Variants in FER1L6 observed in about 807,000 individuals in gnomAD.
FER1L6 encodes fer-1 like family member 6.
A neutral mutation model predicts 219.2 loss-of-function variants in FER1L6; 177 were observed. The observed-to-expected ratio is 0.81, with a 90% confidence interval of 0.71 to 0.91. The LOEUF (loss-of-function observed/expected upper bound fraction) is 0.91, where lower values mean the gene tolerates loss of function less well. Ranked by LOEUF, FER1L6 falls within the 40% of genes least tolerant of loss-of-function variation. The pLI, the probability that FER1L6 is intolerant of heterozygous loss-of-function variation, is 0.00. For missense variants in FER1L6, 2,153 were observed against 2,259.9 expected, an observed-to-expected ratio of 0.95 and a Z score of 0.96; for synonymous variants, 768 against 824.3, an observed-to-expected ratio of 0.93 and a Z score of 1.17.
chr8:123,954,470 AAATAAGTGAATAG>A (rs1814924010), intron 1 of FER1L6, among the ~76,000 whole-genome samples: 1 of 152,198 alleles, frequency 6.6e-6, no homozygotes, highest in South Asian at 2.1e-4. Flanking sequence ...ATAAGTGAGC[AAATAAGTGAATAG>A]AATAAGTGAA....
At position 124,017,705 on chromosome 8, in the gene FER1L6, G is replaced by C; in HGVS notation, c.2000G>C (p.Cys667Ser). The change falls in exon 16 of 41, where the codon TGC becomes TCC. Residue 667 changes from cysteine to serine, a missense_variant. Physicochemically the swap from Cys to Ser is moderately radical, Grantham distance 112. Coordinates refer to ENST00000522917, the MANE Select transcript of FER1L6 (RefSeq NM_001039112.2). ...TTLDKKRLTL[C>S]WQELEAMCKE... ...TTAGATAAGAAGCGACTTACGCTCT[G>C]CTGGCAGGAGCTGGTATGTGAAAAT... The C allele has an allele frequency of 6.2e-7, 1 of 1,613,016 alleles. No individual in the cohort carries two copies. Among genetic ancestry groups the C allele is most frequent in the Non-Finnish European group, 8.5e-7 (1 of 1,179,154 alleles).
chr8:123,856,192 T>C (rs1816638660), intron 1 of FER1L6, among the ~76,000 whole-genome samples: 1 of 108,026 alleles, frequency 9.3e-6, no homozygotes, highest in Non-Finnish European at 1.9e-5. Context: ...TATACATATG[T>C]GTATGAGATA....
chr8:123,968,197 T>G (rs923671510), intron 5 of FER1L6, among the ~76,000 whole-genome samples: 1 of 152,194 alleles, frequency 6.6e-6, no homozygotes, highest in African/African-American at 2.4e-5. Context: ...TATGAGATAA[T>G]ATATGAAAAT....
chr8:124,063,687 G>A (rs1015826507), intron 25 of FER1L6, among the ~76,000 whole-genome samples: 3 of 152,156 alleles, frequency 2.0e-5, no homozygotes, highest in Admixed American at 6.5e-5. Flanking sequence ...AGTTTGTTGG[G>A]TTGAATTTGC....
chr8:123,933,376 GTC>G (rs879484549), intron 1 of FER1L6, among the ~76,000 whole-genome samples: 1,707 of 133,510 alleles, frequency 0.013, 24 homozygotes, highest in East Asian at 0.028. Flanking sequence ...GCATATGTGT[GTC>G]TGTGTGTGTG....
At position 124,116,233 on chromosome 8, in the gene FER1L6, T is replaced by C. The variant is rs115452910; in HGVS notation, c.5290-2611T>C. Among the ~76,000 whole-genome samples, 1,483 of 152,352 alleles carry C rather than the reference T, an allele frequency of 9.7e-3. 24 individuals are homozygous for C. The highest frequency in any genetic ancestry group is 0.034 in the African/African-American group (1,397 of 41,578). ...GTAAAATGGTAATAAAAACGCCATCTACTTTGTCAGCTAGCCAAAAAGGGC... is the reference window on the plus strand; with the variant it reads ...GTAAAATGGTAATAAAAACGCCATCCACTTTGTCAGCTAGCCAAAAAGGGC... On this transcript the variant is annotated intron_variant, in intron 39 of 40. Transcript: ENST00000522917.
intron 1 of FER1L6, among the ~76,000 whole-genome samples, chr8:123,904,778 G>T (rs555763455): frequency 2.0e-5 from 3 of 152,172 alleles, no homozygotes; most frequent in African/African-American, 4.8e-5. Flanking sequence ...GTTTGAACTG[G>T]CAAACAACAA....
At chr8:123,927,412 T>G (rs1813605866) in intron 1 of FER1L6, among the ~76,000 whole-genome samples, 1 of 152,226 alleles carries the variant, frequency 6.6e-6, no homozygotes, top group Non-Finnish European at 1.5e-5. Flanking sequence ...TCAACAATAG[T>G]AGAATCTGTG....
chr8:123,890,156 T>G (rs541270609), intron 1 of FER1L6, among the ~76,000 whole-genome samples: 1 of 152,132 alleles, frequency 6.6e-6, no homozygotes, highest in Admixed American at 6.5e-5. Context: ...TGTTCCATAC[T>G]CCATTTACTC....
Position 124,060,586 on chromosome 8 carries a change from G to C in FER1L6, c.3024G>C (p.Gln1008His), listed in dbSNP as rs565417791. ...GAGTTCGGGAAATGAAGAAGGTGCA[G>C]CTCCTCTCTGTGGATCGGCCTCAGG... is the stretch of plus-strand genomic sequence containing the variant. ...FWGVREMKKV[Q>H]LLSVDRPQAL... The change falls in exon 24 of 41, where the codon CAG becomes CAC. Residue 1008 changes from glutamine to histidine, a missense_variant. Coordinates refer to ENST00000522917, the MANE Select transcript of FER1L6 (RefSeq NM_001039112.2). 6.8e-5 allele frequency: 110 copies of C among 1,614,120 alleles called. 1 individual carries two copies. In the South Asian group the frequency reaches 1.1e-3, roughly 16 times the overall value.
At chr8:124,052,591 C>A (rs1307347261) in intron 22 of FER1L6, among the ~76,000 whole-genome samples, 1 of 152,084 alleles carries the variant, frequency 6.6e-6, no homozygotes, top group Non-Finnish European at 1.5e-5. Flanking sequence ...TTGGAGACAG[C>A]CTGACCAACA....
At chr8:123,898,509 C>T (rs1459243605) in intron 1 of FER1L6, among the ~76,000 whole-genome samples, 2 of 151,696 alleles carry the variant, frequency 1.3e-5, no homozygotes, top group South Asian at 2.1e-4. Context: ...TTAGCTCCCT[C>T]ATGTCAGTGA....
intron 27 of FER1L6, among the ~76,000 whole-genome samples, chr8:124,067,488 C>T (rs1035726589): frequency 9.9e-5 from 15 of 152,254 alleles, no homozygotes; most frequent in East Asian, 1.9e-4. Context: ...TTGCTTGCCT[C>T]GTGGCTGAGA....
chr8:123,961,563 G>A (rs575741263), intron 2 of FER1L6, among the ~76,000 whole-genome samples: 1 of 152,142 alleles, frequency 6.6e-6, no homozygotes, highest in Non-Finnish European at 1.5e-5. Context: ...CCCACAGAGC[G>A]CAGAGACAGA....
intron 16 of FER1L6, among the ~76,000 whole-genome samples, chr8:124,020,210 A>G (rs184926090): frequency 6.6e-6 from 1 of 152,218 alleles, no homozygotes; most frequent in African/African-American, 2.4e-5. Context: ...TGCCTTCCCC[A>G]TGATTCTCCC....
intron 15 of FER1L6, among the ~76,000 whole-genome samples, chr8:124,015,613 ATATT>A (rs1326095700): frequency 2.4e-5 from 3 of 123,194 alleles, no homozygotes; most frequent in East Asian, 2.4e-4. Flanking sequence ...ATATATATAT[ATATT>A]ACTCCTGCTG....
intron 1 of FER1L6, among the ~76,000 whole-genome samples, chr8:123,909,933 C>A (rs1813022330): frequency 6.6e-6 from 1 of 152,090 alleles, no homozygotes; most frequent in South Asian, 2.1e-4. Context: ...CAGGACTTTG[C>A]AAACATATGG....
rs1436093612 is a variant in FER1L6 at position 123,975,879 on chromosome 8, G to T, written c.684-19G>T. 4.0e-6 allele frequency: 6 copies of T among 1,514,318 alleles called. No individual in the cohort carries two copies. Among genetic ancestry groups the T allele is most frequent in the Admixed American group, 2.1e-5 (1 of 47,298 alleles). The allele number at this position is 1,514,318 out of a possible 1,614,324, so 93.8% of individuals were successfully genotyped here. A position where few individuals can be genotyped will look rare whatever the true frequency, so the allele number is the denominator to read the frequency against. ...TTCAATTGAGAGAGCTTTTTCATTTGTTTTTGTCTCCCTCTAAGGAACCTT... is the reference window on the plus strand; with the variant it reads ...TTCAATTGAGAGAGCTTTTTCATTTTTTTTTGTCTCCCTCTAAGGAACCTT... On this transcript the variant is annotated intron_variant, in intron 8 of 40. Transcript: ENST00000522917.
intron 2 of FER1L6, among the ~76,000 whole-genome samples, chr8:123,956,280 G>T (rs939005670): frequency 2.0e-5 from 3 of 152,202 alleles, no homozygotes; most frequent in Non-Finnish European, 4.4e-5. Context: ...CAGGTGAGTG[G>T]GCATGTAAGG....
Sources: gnomAD v4.1 joint callset for allele counts (sites outside exome capture counted in the v4.1 genomes callset) on GRCh38, gnomAD v4.1.1 for gene constraint, MANE v1.5 for transcripts, NCBI Gene and HGNC (gene_info 2026-07-23, HGNC 2026-07-21) for gene names.